CRPPA: variants seen among roughly 807,000 people sequenced by gnomAD.
The protein encoded by CRPPA is D-ribitol-5-phosphate cytidylyltransferase.
In CRPPA, 43 loss-of-function variants were observed where a neutral mutation model predicts 52.0. The ratio of observed to expected loss-of-function variants is 0.83; its 90% CI spans 0.65 to 1.07. The LOEUF (loss-of-function observed/expected upper bound fraction) is 1.07. Among genes scored for constraint, CRPPA ranks in the 50% least tolerant of loss-of-function variants. The pLI is 0.00. For synonymous variants in CRPPA, 250 were observed against 203.5 expected (o/e 1.23, Z -1.94); for missense variants, 629 against 551.7 (o/e 1.14, Z -1.40).
intron 3 of CRPPA, among the ~76,000 whole-genome samples, chr7:16,370,623 C>T (rs905108958): frequency 1.3e-5 from 2 of 152,132 alleles, no homozygotes; most frequent in Non-Finnish European, 2.9e-5. Context: ...CAACAGGCCT[C>T]GAGTCCCAGA....
intron 3 of CRPPA, among the ~76,000 whole-genome samples, chr7:16,331,978 C>T (rs993428716): frequency 6.6e-6 from 1 of 152,040 alleles, no homozygotes; most frequent in Admixed American, 6.5e-5. Flanking sequence ...ACCACAGATC[C>T]CAGAAGCTCA....
chr7:16,293,370 C>T (rs1338407520), intron 5 of CRPPA, among the ~76,000 whole-genome samples: 1 of 151,930 alleles, frequency 6.6e-6, no homozygotes, highest in African/African-American at 2.4e-5. Flanking sequence ...AGAGCAGTGG[C>T]TTCCATTATT....
At chr7:16,197,355 G>T (rs1781762022) in intron 9 of CRPPA, among the ~76,000 whole-genome samples, 1 of 152,004 alleles carries the variant, frequency 6.6e-6, no homozygotes, top group Non-Finnish European at 1.5e-5. Context: ...CTTCTTTTTT[G>T]AGTCAGGGTC....
chr7:16,155,787 C>T (rs756276708), intron 9 of CRPPA, among the ~76,000 whole-genome samples: 38 of 152,108 alleles, frequency 2.5e-4, no homozygotes, highest in Non-Finnish European at 3.8e-4. Context: ...TTTAACTGTG[C>T]AGTGGGTCAG....
At position 16,299,191 on chromosome 7, in the gene CRPPA, A is replaced by AT. The variant is rs1157776701; in HGVS notation, c.835+2229dup. On this transcript the variant is annotated intron_variant, in intron 5 of 9. Coordinates refer to ENST00000407010, the MANE Select transcript of CRPPA (RefSeq NM_001101426.4). ...GCTATATACTATATTACACTTTGGA[A>AT]TTTTTTTTAATCCAAGAGTTCTCTC... Among the ~76,000 whole-genome samples the AT allele has an allele frequency of 2.0e-5, 3 of 152,102 alleles. No individual in the cohort carries two copies. In the East Asian group the frequency reaches 5.8e-4, roughly 29 times the overall value.
chr7:16,125,567 T>C (rs1782561780), intron 9 of CRPPA, among the ~76,000 whole-genome samples: 1 of 152,098 alleles, frequency 6.6e-6, no homozygotes, highest in African/African-American at 2.4e-5. Flanking sequence ...AGCCAAGACA[T>C]GGTATACTCT....
chr7:16,126,855 G>C (rs1408458074), intron 9 of CRPPA, among the ~76,000 whole-genome samples: 4 of 152,088 alleles, frequency 2.6e-5, no homozygotes, highest in Non-Finnish European at 2.9e-5. Context: ...TCAGAGTTTT[G>C]TCATAGAAAA....
chr7:16,368,744 T>C (rs1031672556), intron 3 of CRPPA, among the ~76,000 whole-genome samples: 1 of 152,186 alleles, frequency 6.6e-6, no homozygotes, highest in African/African-American at 2.4e-5. Context: ...ATTTTATTGA[T>C]CTCTAGAAAT....
intron 6 of CRPPA, among the ~76,000 whole-genome samples, chr7:16,271,971 T>C (rs1182845694): frequency 6.6e-6 from 1 of 152,178 alleles, no homozygotes; most frequent in Non-Finnish European, 1.5e-5. Flanking sequence ...TCTTCCCACT[T>C]ATAAATTCCT....
At chr7:16,097,082 C>T (rs756375442) in intron 9 of CRPPA, among the ~76,000 whole-genome samples, 32 of 152,100 alleles carry the variant, frequency 2.1e-4, no homozygotes, top group African/African-American at 7.7e-4. Context: ...GTCCAAATTC[C>T]GGGAGCATTT....
At chr7:16,123,909 A>G (rs1470213255) in intron 9 of CRPPA, among the ~76,000 whole-genome samples, 1 of 152,162 alleles carries the variant, frequency 6.6e-6, no homozygotes, top group Non-Finnish European at 1.5e-5. Context: ...ATTGCTACTC[A>G]TCGCTTTTCA....
intron 5 of CRPPA, among the ~76,000 whole-genome samples, chr7:16,280,548 T>C (rs889922189): frequency 1.3e-5 from 2 of 152,198 alleles, no homozygotes; most frequent in Non-Finnish European, 2.9e-5. Flanking sequence ...TGTAAAATAA[T>C]GCATAACATT....
At chr7:16,260,230 G>A (rs146812888) in intron 6 of CRPPA, among the ~76,000 whole-genome samples, 1 of 151,936 alleles carries the variant, frequency 6.6e-6, no homozygotes, top group African/African-American at 2.4e-5. Context: ...CCTTTGCAAG[G>A]ATGTTTGTAC....
chr7:16,305,759 G>A (rs1398141148), intron 4 of CRPPA, among the ~76,000 whole-genome samples: 2 of 152,194 alleles, frequency 1.3e-5, no homozygotes, highest in African/African-American at 4.8e-5. Context: ...GCAAGCACCT[G>A]TAGTCCCAGC....
At chr7:16,420,021 T>C (rs1788288745) in intron 1 of CRPPA, among the ~76,000 whole-genome samples, 1 of 152,114 alleles carries the variant, frequency 6.6e-6, no homozygotes, top group Non-Finnish European at 1.5e-5. Context: ...GGTGAACCCG[T>C]GGGGCGGTTA....
intron 6 of CRPPA, among the ~76,000 whole-genome samples, chr7:16,259,957 G>A (rs1783751856): frequency 6.6e-6 from 1 of 151,844 alleles, no homozygotes; most frequent in African/African-American, 2.4e-5. Context: ...GAAATTAGTT[G>A]GCTATTAAAT....
At chr7:16,172,586 T>C (rs1393206650) in intron 9 of CRPPA, among the ~76,000 whole-genome samples, 2 of 152,212 alleles carry the variant, frequency 1.3e-5, no homozygotes, top group Non-Finnish European at 2.9e-5. Flanking sequence ...ATAATATACA[T>C]GAATAAAGAC....
chr7:16,172,993 A>G (rs1781222337), intron 9 of CRPPA, among the ~76,000 whole-genome samples: 1 of 152,222 alleles, frequency 6.6e-6, no homozygotes, highest in South Asian at 2.1e-4. Context: ...TTTTATCACT[A>G]CAATTTTAAA....
chr7:16,213,546 C>T (rs7789736), intron 9 of CRPPA, among the ~76,000 whole-genome samples: 30,879 of 151,794 alleles, frequency 0.2, 3,875 homozygotes, highest in South Asian at 0.42. Context: ...ATCAGAATTT[C>T]AAGACCAGCC....
Sources: allele counts gnomAD v4.1 joint callset (sites outside exome capture counted in the v4.1 genomes callset), GRCh38; gene constraint gnomAD v4.1.1; transcripts MANE v1.5; gene names NCBI Gene and HGNC (gene_info 2026-07-23, HGNC 2026-07-21).